Variants in SLC2A13 observed in about 807,000 individuals in gnomAD.
SLC2A13 encodes the protein solute carrier family 2 member 13.
SLC2A13 carries 32 observed loss-of-function variants against 64.4 expected under a neutral mutation model. The observed-to-expected ratio is 0.50, with a 90% confidence interval of 0.37 to 0.67. The LOEUF (loss-of-function observed/expected upper bound fraction) is 0.67. Among genes scored for constraint, SLC2A13 ranks in the 30% least tolerant of loss-of-function variants. The pLI, the probability that SLC2A13 is intolerant of heterozygous loss-of-function variation, is 0.00. For missense variants in SLC2A13, 743 were observed against 829.2 expected, an observed-to-expected ratio of 0.90 and a Z score of 1.28; for synonymous variants, 338 against 327.1, an observed-to-expected ratio of 1.03 and a Z score of -0.36.
At chr12:39,869,602 T>C (rs1943991561) in intron 5 of SLC2A13, among the ~76,000 whole-genome samples, 1 of 152,152 alleles carries the variant, frequency 6.6e-6, no homozygotes, top group Admixed American at 6.5e-5. Context: ...AAAGTGCCTA[T>C]AGGTTGCTCA....
intron 4 of SLC2A13, among the ~76,000 whole-genome samples, chr12:39,947,319 C>T (rs1270938430): frequency 1.3e-5 from 2 of 152,156 alleles, no homozygotes; most frequent in African/African-American, 4.8e-5. Context: ...AAAAGAGAGT[C>T]ATTTAACCAC....
At chr12:39,859,040 C>T (rs546794829) in intron 6 of SLC2A13, among the ~76,000 whole-genome samples, 1 of 152,148 alleles carries the variant, frequency 6.6e-6, no homozygotes, top group Non-Finnish European at 1.5e-5. Flanking sequence ...GTAGTGAATA[C>T]AAAATGAATT....
chr12:39,817,055 G>A (rs1000667797), intron 7 of SLC2A13, among the ~76,000 whole-genome samples: 38 of 152,250 alleles, frequency 2.5e-4, no homozygotes, highest in African/African-American at 9.1e-4. Context: ...AAATAGGTAG[G>A]TGGTGAGTGA....
At chr12:39,890,635 A>T (rs1405155566) in intron 4 of SLC2A13, among the ~76,000 whole-genome samples, 1 of 152,118 alleles carries the variant, frequency 6.6e-6, no homozygotes, top group African/African-American at 2.4e-5. Flanking sequence ...GTTTTCTTTT[A>T]TTTTTAATTG....
intron 1 of SLC2A13, among the ~76,000 whole-genome samples, chr12:40,076,139 A>T (rs1938163243): frequency 6.6e-6 from 1 of 152,152 alleles, no homozygotes; most frequent in Admixed American, 6.6e-5. Context: ...TATTCTGAAC[A>T]TGTTGGATAT....
At chr12:39,924,754 G>A (rs1396453563) in intron 4 of SLC2A13, among the ~76,000 whole-genome samples, 2 of 152,038 alleles carry the variant, frequency 1.3e-5, no homozygotes, top group Non-Finnish European at 2.9e-5. Context: ...AAATACTAGA[G>A]AAAAAAGTTT....
intron 3 of SLC2A13, among the ~76,000 whole-genome samples, chr12:39,962,509 T>G (rs1946432356): frequency 6.6e-6 from 1 of 152,246 alleles, no homozygotes; most frequent in Non-Finnish European, 1.5e-5. Context: ...CACCCATTTA[T>G]GCATCTCTGC....
chr12:39,809,708 C>T (rs1294054213), intron 7 of SLC2A13, among the ~76,000 whole-genome samples: 10 of 152,040 alleles, frequency 6.6e-5, no homozygotes. Flanking sequence ...TTCCTGTGTC[C>T]ATGTGTTCTC....
At chr12:40,043,354 G>T (rs918553955) in intron 2 of SLC2A13, among the ~76,000 whole-genome samples, 47 of 152,134 alleles carry the variant, frequency 3.1e-4, no homozygotes, top group Non-Finnish European at 1.5e-5. Flanking sequence ...AAGAAGACAG[G>T]TATGGTGACT....
intron 7 of SLC2A13, among the ~76,000 whole-genome samples, chr12:39,772,054 C>T: frequency 6.6e-6 from 1 of 152,038 alleles, no homozygotes; most frequent in East Asian, 1.9e-4. Context: ...GATATTCTCT[C>T]CTCCTCTCAA....
rs756553654 is a variant in SLC2A13 at position 39,760,265 on chromosome 12, A to G, written c.1721-13T>C. ...AGGAAGAAAGCTCCTGCAACGGAAT[A>G]TAATAGATACATGAATATGAATATA... On this transcript the variant is annotated splice_polypyrimidine_tract_variant and intron_variant, in intron 9 of 9. Coordinates refer to ENST00000280871, the MANE Select transcript of SLC2A13 (RefSeq NM_052885.4). 3.8e-6 allele frequency: 6 copies of G among 1,595,884 alleles called. No individual in the cohort carries two copies. Among genetic ancestry groups the G allele is most frequent in the African/African-American group, 1.3e-5 (1 of 74,084 alleles).
chr12:39,852,616 C>A (rs936249571), intron 6 of SLC2A13, among the ~76,000 whole-genome samples: 1 of 152,110 alleles, frequency 6.6e-6, no homozygotes, highest in Admixed American at 6.5e-5. Flanking sequence ...AGGCAGGGAA[C>A]CTAAGGCTGA....
intron 7 of SLC2A13, among the ~76,000 whole-genome samples, chr12:39,771,145 T>A (rs867417630): frequency 6.6e-6 from 1 of 152,164 alleles, no homozygotes; most frequent in Non-Finnish European, 1.5e-5. Flanking sequence ...ACTCCGAGTG[T>A]GTGTCCCATC....
intron 5 of SLC2A13, among the ~76,000 whole-genome samples, chr12:39,870,913 G>A (rs1048515458): frequency 6.6e-6 from 1 of 152,168 alleles, no homozygotes; most frequent in African/African-American, 2.4e-5. Flanking sequence ...GACTGAAACA[G>A]TTCTATTAGA....
chr12:40,003,580 C>A (rs1947354473), intron 3 of SLC2A13, among the ~76,000 whole-genome samples: 1 of 151,970 alleles, frequency 6.6e-6, no homozygotes, highest in African/African-American at 2.4e-5. Context: ...ACTGAAGGGA[C>A]TAATGACATG....
chr12:39,835,262 C>T (rs1295880915), intron 6 of SLC2A13, among the ~76,000 whole-genome samples: 1 of 151,938 alleles, frequency 6.6e-6, no homozygotes, highest in Non-Finnish European at 1.5e-5. Context: ...TCTAACAATC[C>T]ACCCAGTTCT....
intron 1 of SLC2A13, among the ~76,000 whole-genome samples, chr12:40,097,689 T>C (rs1257622583): frequency 6.6e-6 from 1 of 152,200 alleles, no homozygotes; most frequent in Non-Finnish European, 1.5e-5. Context: ...TCACTTCATA[T>C]CCATTAGGAT....
At chr12:40,091,481 C>G (rs193057076) in intron 1 of SLC2A13, among the ~76,000 whole-genome samples, 198 of 152,258 alleles carry the variant, frequency 1.3e-3, no homozygotes, top group South Asian at 5.2e-3. Context: ...ATTATAAAAG[C>G]CTGTACTTCA....
At chr12:39,784,919 A>G (rs1042226449) in intron 7 of SLC2A13, among the ~76,000 whole-genome samples, 27 of 152,216 alleles carry the variant, frequency 1.8e-4, no homozygotes, top group Non-Finnish European at 3.8e-4. Context: ...TATCTGGTGG[A>G]AGAAATTTCT....
Sources: gnomAD v4.1 joint callset for allele counts (sites outside exome capture counted in the v4.1 genomes callset) on GRCh38, gnomAD v4.1.1 for gene constraint, MANE v1.5 for transcripts, NCBI Gene and HGNC (gene_info 2026-07-23, HGNC 2026-07-21) for gene names.